The following LYZL4 variants were observed in gnomAD, a reference collection of about 807,000 sequenced individuals.
LYZL4 encodes lysozyme-like protein 4.
A neutral mutation model predicts 17.6 loss-of-function variants in LYZL4; 13 were observed. That is an observed-to-expected ratio of 0.74 (90% CI 0.48 to 1.18). The LOEUF (loss-of-function observed/expected upper bound fraction) is 1.18, where lower values mean the gene tolerates loss of function less well. LYZL4 is among the 50% of genes most tolerant of loss of function. The pLI, the probability that LYZL4 is intolerant of heterozygous loss-of-function variation, is 0.00. For missense variants in LYZL4, 174 were observed against 188.2 expected (o/e 0.92, Z 0.44); for synonymous variants, 64 against 67.7 (o/e 0.95, Z 0.27).
chr3:42,392,568 T>C (rs1340510697), downstream of LYZL4, among the ~76,000 whole-genome samples: 1 of 152,118 alleles, frequency 6.6e-6, no homozygotes, highest in Non-Finnish European at 1.5e-5. Flanking sequence ...ACAAAATAGG[T>C]AAAGTTGGTT....
chr3:42,391,809 GT>G, the LYZL4 span, among the ~76,000 whole-genome samples: 1 of 151,872 alleles, frequency 6.6e-6, no homozygotes. Flanking sequence ...ATTACAATAT[GT>G]TTTTTTGATG....
In LYZL4 at chr3:42,397,282, C is replaced by A; in HGVS notation, c.424G>T (p.Asp142Tyr). ...QYSDTLARWL[D>Y]GCKL The stretch of plus-strand genomic sequence containing the variant: ...GCAGGTGGCTACAGCTTGCAACCAT[C>A]CAGCCACCGTGCCAGGGTATCGGAG... The change falls in exon 5 of 5, where the codon GAT becomes TAT. Residue 142 changes from aspartate to tyrosine, a missense_variant. Physicochemically the swap from Asp to Tyr is radical, Grantham distance 160 (BLOSUM62 -3). Coordinates refer to ENST00000287748, the MANE Select transcript of LYZL4 (RefSeq NM_144634.4). 2 of 1,568,214 alleles carry A rather than the reference C, an allele frequency of 1.3e-6. No individual in the cohort carries two copies. The highest frequency in any genetic ancestry group is 1.7e-6 in the Non-Finnish European group (2 of 1,156,216).
At chr3:42,386,973 A>T in the LYZL4 span, among the ~76,000 whole-genome samples, 1 of 152,158 alleles carries the variant, frequency 6.6e-6, no homozygotes, top group African/African-American at 2.4e-5. Flanking sequence ...AATTTTCCAT[A>T]ATGAAAAGAT....
At chr3:42,391,705 G>A in the LYZL4 span, among the ~76,000 whole-genome samples, 10 of 152,276 alleles carry the variant, frequency 6.6e-5, no homozygotes, top group East Asian at 7.7e-4. Flanking sequence ...ATCAGAAGCC[G>A]AGAGAGATTG....
the LYZL4 span, among the ~76,000 whole-genome samples, chr3:42,373,000 A>G: frequency 6.7e-4 from 102 of 152,226 alleles, no homozygotes; most frequent in African/African-American, 2.3e-3. Context: ...TGAGGTCAGG[A>G]GTTTGAGACC....
chr3:42,395,181 C>T (rs538973011), downstream of LYZL4, among the ~76,000 whole-genome samples: 8 of 152,194 alleles, frequency 5.3e-5, no homozygotes, highest in Non-Finnish European at 8.8e-5. Context: ...GAAATTCTAA[C>T]TTACAGCCAT....
chr3:42,387,847 TCTC>T, the LYZL4 span, among the ~76,000 whole-genome samples: 1 of 152,030 alleles, frequency 6.6e-6, no homozygotes, highest in East Asian at 1.9e-4. Flanking sequence ...TCTTTTTCCA[TCTC>T]CTCCTGCTTC....
At chr3:42,388,130 G>A in the LYZL4 span, among the ~76,000 whole-genome samples, 2 of 152,192 alleles carry the variant, frequency 1.3e-5, no homozygotes, top group African/African-American at 4.8e-5. Context: ...TTGTGACAGT[G>A]GGTGGCCAGA....
chr3:42,368,515 T>A, the LYZL4 span, among the ~76,000 whole-genome samples: 39,676 of 152,182 alleles, frequency 0.26, 5,737 homozygotes, highest in Non-Finnish European at 0.33. Flanking sequence ...CCTGCTTTTT[T>A]TCCCTTTCAC....
At chr3:42,372,824 A>G in the LYZL4 span, among the ~76,000 whole-genome samples, 1 of 152,194 alleles carries the variant, frequency 6.6e-6, no homozygotes, top group East Asian at 1.9e-4. Context: ...GGGAAAGATC[A>G]CTGTGGGGCA....
chr3:42,376,027 C>T, the LYZL4 span, among the ~76,000 whole-genome samples: 2 of 152,184 alleles, frequency 1.3e-5, no homozygotes, highest in South Asian at 4.1e-4. Flanking sequence ...CCACCCAAAT[C>T]CACAATCCTC....
At chr3:42,399,907 A>G (rs530855079) in intron 4 of LYZL4, among the ~76,000 whole-genome samples, 16 of 151,826 alleles carry the variant, frequency 1.1e-4, no homozygotes, top group African/African-American at 3.9e-4. Flanking sequence ...GTTGGTGTGA[A>G]AGTCATCACA....
chr3:42,372,236 G>A, the LYZL4 span, among the ~76,000 whole-genome samples: 8 of 152,170 alleles, frequency 5.3e-5, no homozygotes, highest in African/African-American at 1.4e-4. Context: ...AGAAAGATTC[G>A]AATTCAAATC....
chr3:42,386,406 C>CG, the LYZL4 span, among the ~76,000 whole-genome samples: 10 of 134,742 alleles, frequency 7.4e-5, 1 homozygote, highest in Non-Finnish European at 1.6e-4. Flanking sequence ...CCCCCCCCCC[C>CG]CCCCCCGCCT....
the LYZL4 span, among the ~76,000 whole-genome samples, chr3:42,386,778 C>A: frequency 1.2e-4 from 18 of 152,128 alleles, no homozygotes; most frequent in African/African-American, 4.1e-4. Flanking sequence ...TTTCTTATTT[C>A]TCAGAGACAT....
At chr3:42,382,232 C>T in the LYZL4 span, among the ~76,000 whole-genome samples, 1 of 152,216 alleles carries the variant, frequency 6.6e-6, no homozygotes, top group African/African-American at 2.4e-5. Context: ...ACCCATTTCT[C>T]TCCCTTGCTC....
chr3:42,390,497 G>A, the LYZL4 span, among the ~76,000 whole-genome samples: 1 of 151,850 alleles, frequency 6.6e-6, no homozygotes, highest in African/African-American at 2.4e-5. Context: ...TGGACACTTT[G>A]TGGCAGGTGG....
At chr3:42,386,719 T>G in the LYZL4 span, among the ~76,000 whole-genome samples, 74 of 152,326 alleles carry the variant, frequency 4.9e-4, no homozygotes, top group African/African-American at 1.8e-3. Context: ...TTTTAAGAAG[T>G]TACTGTTAAT....
chr3:42,366,678 G>T, the LYZL4 span, among the ~76,000 whole-genome samples: 2 of 152,204 alleles, frequency 1.3e-5, no homozygotes, highest in African/African-American at 2.4e-5. Flanking sequence ...CATCCCAGCA[G>T]CCATGGCTTG....
Sources: gnomAD v4.1 joint callset for allele counts (sites outside exome capture counted in the v4.1 genomes callset) on GRCh38, gnomAD v4.1.1 for gene constraint, MANE v1.5 for transcripts, NCBI Gene and HGNC (gene_info 2026-07-23, HGNC 2026-07-21) for gene names.